Variants in MAP6D1 observed in about 807,000 individuals in gnomAD.
MAP6D1 encodes MAP6 domain-containing protein 1.
MAP6D1 carries 13 observed loss-of-function variants against 17.4 expected under a neutral mutation model. The ratio of observed to expected loss-of-function variants is 0.75; its 90% CI spans 0.49 to 1.19. The LOEUF is 1.19. Ranked by LOEUF, MAP6D1 falls within the 50% of genes most tolerant of loss-of-function variation. MAP6D1 has a pLI of 0.00. For synonymous variants in MAP6D1, 141 were observed against 145.7 expected (o/e 0.97, Z 0.23); for missense variants, 313 against 312.6 (o/e 1.00, Z -0.01).
At chr3:183,822,613 G>C (rs965775192) in intron 1 of MAP6D1, among the ~76,000 whole-genome samples, 2 of 152,204 alleles carry the variant, frequency 1.3e-5, no homozygotes, top group Non-Finnish European at 2.9e-5. Context: ...CCCAGGAGGA[G>C]GCTCCCTCAT....
chr3:183,817,524 C>T (rs1413717527), intron 2 of MAP6D1, 88 bp from the exon 3 acceptor site: 2 of 1,189,174 alleles, frequency 1.7e-6, no homozygotes, highest in Non-Finnish European at 2.4e-6. Flanking sequence ...AAAAAATCCC[C>T]TCCCATCCTC....
At chr3:183,817,721 GGTACTCAGGCCAGTCACT>G (rs909797328) in intron 2 of MAP6D1, among the ~76,000 whole-genome samples, 4 of 152,110 alleles carry the variant, frequency 2.6e-5, no homozygotes, top group Non-Finnish European at 5.9e-5. Context: ...CAAATGCTGT[GGTACTCAGGCCAGTCACT>G]AGCGTTCAGT....
chr3:183,822,729 CACTGA>C (rs1370210382), intron 1 of MAP6D1, among the ~76,000 whole-genome samples: 2 of 152,238 alleles, frequency 1.3e-5, no homozygotes, highest in African/African-American at 4.8e-5. Context: ...GAGTGGGCAA[CACTGA>C]GCCGCAGCGC....
At chr3:183,822,290 CACAAA>C (rs1560356318) in intron 1 of MAP6D1, among the ~76,000 whole-genome samples, 1 of 115,988 alleles carries the variant, frequency 8.6e-6, no homozygotes, top group African/African-American at 3.2e-5. Flanking sequence ...CACACACACA[CACAAA>C]ACCCCACATG....
Position 183,817,159 on chromosome 3 carries a change from G to T in MAP6D1, c.*197C>A. On this transcript the variant is annotated 3_prime_UTR_variant, in exon 3 of 3. Transcript: ENST00000318631. ...CCACAGGCTTCTCAAGAGGATGCTT[G>T]AGGCTGAGCTGGGTGTGCCAAGTCC... The T allele has an allele frequency of 1.7e-6, 1 of 572,896 alleles. No individual in the cohort carries two copies. Among genetic ancestry groups the T allele is most frequent in the Non-Finnish European group, 3.1e-6 (1 of 319,984 alleles). 35.5% of individuals were successfully genotyped at this position (572,896 alleles called of 1,614,324 possible). A position where few individuals can be genotyped will look rare whatever the true frequency, so the allele number is the denominator to read the frequency against.
chr3:183,819,835 C>T (rs1045979659), intron 1 of MAP6D1, among the ~76,000 whole-genome samples: 6 of 152,224 alleles, frequency 3.9e-5, no homozygotes, highest in South Asian at 2.1e-4. Context: ...TGTGAGTCTT[C>T]GTTTCGGGCA....
chr3:183,817,969 C>T (rs757637001), intron 2 of MAP6D1, 25 bp downstream of exon 2: 2 of 1,576,848 alleles, frequency 1.3e-6, no homozygotes, highest in Non-Finnish European at 8.7e-7. Flanking sequence ...TACCCACACC[C>T]CTGCTACACC....
At chr3:183,823,274 G>A (rs1727299623) in intron 1 of MAP6D1, among the ~76,000 whole-genome samples, 1 of 151,948 alleles carries the variant, frequency 6.6e-6, no homozygotes, top group Non-Finnish European at 1.5e-5. Flanking sequence ...GATTACAGGT[G>A]TGAGCCACCA....
In MAP6D1 at chr3:183,816,943, T is replaced by A. The variant is rs759748735; in HGVS notation, c.*413A>T. 4.9e-6 allele frequency: 1 copy of A among 203,880 alleles called. No individual in the cohort carries two copies. The highest frequency in any genetic ancestry group is 1.0e-5 in the Non-Finnish European group (1 of 98,818). The allele number at this position is 203,880 out of a possible 1,614,324, so 12.6% of individuals were successfully genotyped here. On this transcript the variant is annotated 3_prime_UTR_variant, in exon 3 of 3. Coordinates refer to ENST00000318631, the MANE Select transcript of MAP6D1 (RefSeq NM_024871.4). ...AGGGTCTCACTGTAGGTTATGAAAT[T>A]AATCAAGTGCTCACGCATCCTGGGA...
At chr3:183,822,742 C>A (rs1727289488) in intron 1 of MAP6D1, among the ~76,000 whole-genome samples, 1 of 152,222 alleles carries the variant, frequency 6.6e-6, no homozygotes, top group African/African-American at 2.4e-5. Context: ...TGAGCCGCAG[C>A]GCTCAGGCCC....
At chr3:183,824,791 C>A (rs1187698754) in intron 1 of MAP6D1, among the ~76,000 whole-genome samples, 1 of 152,236 alleles carries the variant, frequency 6.6e-6, no homozygotes, top group Admixed American at 6.5e-5. Flanking sequence ...GGCCTGCGCG[C>A]ACCCCTCGCA....
intron 1 of MAP6D1, among the ~76,000 whole-genome samples, chr3:183,822,459 A>C (rs950917935): frequency 4.6e-5 from 7 of 151,712 alleles, no homozygotes; most frequent in African/African-American, 1.2e-4. Flanking sequence ...CAACAAAAAA[A>C]CCCCCCAAAA....
At position 183,819,518 on chromosome 3, in the gene MAP6D1, A is replaced by G. The variant is rs551084035; in HGVS notation, c.402-1407T>C. ...CGACAGCAATCCTGGCGGCCGCCAG[A>G]GGAGGAACCCGGGGCTGGAGCCCAG... is the stretch of plus-strand genomic sequence containing the variant. On this transcript the variant is annotated intron_variant, in intron 1 of 2. Coordinates refer to ENST00000318631, the MANE Select transcript of MAP6D1 (RefSeq NM_024871.4). Among the ~76,000 whole-genome samples the G allele has an allele frequency of 3.3e-5, 5 of 152,340 alleles. No homozygotes were observed. In the East Asian group the frequency reaches 9.7e-4, roughly 29 times the overall value.
chr3:183,817,561 AG>A, intron 2 of MAP6D1, 125 bp from the exon 3 acceptor site: 1 of 820,194 alleles, frequency 1.2e-6, no homozygotes, highest in South Asian at 1.8e-5. Context: ...TGAGACCTGA[AG>A]GGTCAGAGGG....
chr3:183,817,294 G>A lies in MAP6D1; in HGVS notation c.*62C>T. 8 of 1,494,164 alleles carry A rather than the reference G, an allele frequency of 5.4e-6. No homozygotes were observed. The highest frequency in any genetic ancestry group is 6.4e-6 in the Non-Finnish European group (7 of 1,096,570). 92.6% of individuals were successfully genotyped at this position (1,494,164 alleles called of 1,614,324 possible). On this transcript the variant is annotated 3_prime_UTR_variant, in exon 3 of 3. Transcript: ENST00000318631. ...TGCTCTCGCCCAGCCCCGCGGCAGTGGGTCCTGAGGCCGCTCCCCAGCCCT... is the reference window on the plus strand; with the variant it reads ...TGCTCTCGCCCAGCCCCGCGGCAGTAGGTCCTGAGGCCGCTCCCCAGCCCT...
At chr3:183,822,842 T>C (rs1727291814) in intron 1 of MAP6D1, among the ~76,000 whole-genome samples, 1 of 152,226 alleles carries the variant, frequency 6.6e-6, no homozygotes, top group South Asian at 2.1e-4. Context: ...GCTGAAGTTC[T>C]AGGCACCAGA....
At chr3:183,818,397 T>C (rs1321042285) in intron 1 of MAP6D1, among the ~76,000 whole-genome samples, 4 of 152,212 alleles carry the variant, frequency 2.6e-5, no homozygotes, top group African/African-American at 9.7e-5. Flanking sequence ...AGGAAGCTTA[T>C]TCTCACACTG....
chr3:183,817,193 A>G lies in MAP6D1; in HGVS notation c.*163T>C, dbSNP rs948420774. ...CTGGGTGTGCCAAGTCCATCGGTGC[A>G]TCTGCTCCACACCAGCACTTTGGCC... On this transcript the variant is annotated 3_prime_UTR_variant, in exon 3 of 3. Coordinates refer to ENST00000318631, the MANE Select transcript of MAP6D1 (RefSeq NM_024871.4). The G allele has an allele frequency of 1.2e-5, 8 of 665,254 alleles. No homozygotes were observed. The Admixed American group carries it at 1.2e-4, about 10-fold the overall frequency. 41.2% of individuals were successfully genotyped at this position (665,254 alleles called of 1,614,324 possible).
At position 183,825,249 on chromosome 3, in the gene MAP6D1, G is replaced by C; in HGVS notation, c.299C>G (p.Ser100Cys). The C allele has an allele frequency of 2.2e-6, 3 of 1,362,772 alleles. No homozygotes were observed. Among genetic ancestry groups the C allele is most frequent in the Non-Finnish European group, 2.8e-6 (3 of 1,059,116 alleles). The allele number at this position is 1,362,772 out of a possible 1,614,324, so 84.4% of individuals were successfully genotyped here. The change falls in exon 1 of 3, where the codon TCC (serine) becomes TGC (cysteine). Residue 100 changes from serine (S) to cysteine (C), a missense_variant. Ser to Cys is a moderately radical substitution (Grantham distance 112). Transcript: ENST00000318631. ...AGGTGGCGCGGAGGACTGCGCGGAG[G>C]ATTTGCCCCTGCGGCCGCCCGCCCC... The part of the protein sequence containing the change: ...GPGAGGRRGK[S>C]SAQSSAPPAP...
Sources: allele counts gnomAD v4.1 joint callset (sites outside exome capture counted in the v4.1 genomes callset), GRCh38; gene constraint gnomAD v4.1.1; transcripts MANE v1.5; gene names NCBI Gene and HGNC (gene_info 2026-07-23, HGNC 2026-07-21).